The following PARD3 variants were observed in gnomAD, a reference collection of about 807,000 sequenced individuals.
PARD3 encodes partitioning defective 3 homolog.
A neutral mutation model predicts 155.4 loss-of-function variants in PARD3; 75 were observed. The observed-to-expected ratio is 0.48, with a 90% CI of 0.40 to 0.58. The LOEUF (loss-of-function observed/expected upper bound fraction) is 0.58, where lower values mean the gene tolerates loss of function less well. Among genes scored for constraint, PARD3 ranks in the 20% least tolerant of loss-of-function variants. PARD3 has a pLI of 0.00. For synonymous variants in PARD3, 576 were observed against 610.5 expected, an observed-to-expected ratio of 0.94 and a Z score of 0.83; for missense variants, 1,642 against 1,721.7, an observed-to-expected ratio of 0.95 and a Z score of 0.82.
At chr10:34,808,358 G>C (rs1423514018) in intron 1 of PARD3, among the ~76,000 whole-genome samples, 2 of 128,548 alleles carry the variant, frequency 1.6e-5, no homozygotes, top group Non-Finnish European at 3.2e-5. Flanking sequence ...ATGACTAAAA[G>C]ACAAAAAAAA....
chr10:34,488,299 T>C (rs914852191), intron 3 of PARD3, among the ~76,000 whole-genome samples: 3 of 151,886 alleles, frequency 2.0e-5, no homozygotes, highest in Admixed American at 1.3e-4. Context: ...GAATTTTTTA[T>C]TTTTATTTTA....
chr10:34,148,105 T>C (rs796179375), intron 22 of PARD3, among the ~76,000 whole-genome samples: 1 of 152,074 alleles, frequency 6.6e-6, no homozygotes, highest in African/African-American at 2.4e-5. Flanking sequence ...CCAGAATGAA[T>C]AGAGAGAGAT....
chr10:34,478,886 G>A (rs1369765985), intron 3 of PARD3, among the ~76,000 whole-genome samples: 1 of 152,030 alleles, frequency 6.6e-6, no homozygotes, highest in Non-Finnish European at 1.5e-5. Flanking sequence ...GCATTTTTCT[G>A]AGGCATATTA....
At chr10:34,290,778 C>A (rs548304530) in intron 20 of PARD3, among the ~76,000 whole-genome samples, 1 of 152,260 alleles carries the variant, frequency 6.6e-6, no homozygotes, top group South Asian at 2.1e-4. Context: ...TTGACCATGG[C>A]CAGCTGTGGT....
chr10:34,704,240 G>A (rs954098664), intron 1 of PARD3, among the ~76,000 whole-genome samples: 6 of 152,108 alleles, frequency 3.9e-5, no homozygotes, highest in Non-Finnish European at 8.8e-5. Flanking sequence ...TAAATGTACA[G>A]AAGATCAACC....
In PARD3 at chr10:34,587,740, C is replaced by T. The variant is rs111474009; in HGVS notation, c.223-70581G>A. On this transcript the variant is annotated intron_variant, in intron 2 of 24. Transcript: ENST00000374788. Reference sequence around the variant, plus strand: ...TAATGCTCCTCCATGCTCTGAGTTTCGTGCAAGTACTATGTAAAACCATGA... The same window carrying T: ...TAATGCTCCTCCATGCTCTGAGTTTTGTGCAAGTACTATGTAAAACCATGA... Among the ~76,000 whole-genome samples the T allele has an allele frequency of 8.4e-3, 1,283 of 152,214 alleles. 22 individuals carry two copies. Among genetic ancestry groups the T allele is most frequent in the African/African-American group, 0.03 (1,237 of 41,530 alleles).
chr10:34,599,161 G>A (rs1287807950), intron 2 of PARD3, among the ~76,000 whole-genome samples: 1 of 152,118 alleles, frequency 6.6e-6, no homozygotes, highest in Non-Finnish European at 1.5e-5. Flanking sequence ...TCCGTCATCA[G>A]CACATTCCGA....
intron 2 of PARD3, among the ~76,000 whole-genome samples, chr10:34,586,393 G>C: frequency 6.6e-6 from 1 of 152,086 alleles, no homozygotes; most frequent in East Asian, 1.9e-4. Flanking sequence ...TTCCATAAGG[G>C]AACCTGCAGA....
chr10:34,249,636 G>A (rs1037754766), intron 22 of PARD3, among the ~76,000 whole-genome samples: 4 of 152,138 alleles, frequency 2.6e-5, no homozygotes, highest in African/African-American at 9.7e-5. Context: ...ACAGGTGCCT[G>A]GAATTTTGGC....
chr10:34,666,796 A>AAAAAATATAT lies in PARD3; in HGVS notation c.222+29521_222+29522insATATATTTTT, dbSNP rs1358640964. 1.9e-3 allele frequency among the ~76,000 whole-genome samples: 124 copies of AAAAAATATAT among 66,864 alleles called. 2 individuals are homozygous for AAAAAATATAT. The highest frequency in any genetic ancestry group is 3.1e-3 in the Non-Finnish European group (108 of 35,066). The allele number at this position is 66,864 out of a possible 152,430, so 43.9% of individuals were successfully genotyped here. On this transcript the variant is annotated intron_variant, in intron 2 of 24. Coordinates refer to ENST00000374788, the MANE Select transcript of PARD3 (RefSeq NM_001184785.2). ...TCCCCCTAAAAAAAAAAAAAAAAAAAATATATATATATATATATATACACA... is the reference window on the plus strand; with the variant it reads ...TCCCCCTAAAAAAAAAAAAAAAAAAAAAAAATATATATATATATATATATATATATACACA...
intron 1 of PARD3, among the ~76,000 whole-genome samples, chr10:34,716,961 T>G (rs1056385520): frequency 3.3e-5 from 5 of 152,114 alleles, no homozygotes; most frequent in African/African-American, 9.7e-5. Flanking sequence ...GATTTTTTTT[T>G]GCAATTTTTG....
At chr10:34,261,458 G>A (rs1954955037) in intron 22 of PARD3, among the ~76,000 whole-genome samples, 1 of 152,150 alleles carries the variant, frequency 6.6e-6, no homozygotes, top group African/African-American at 2.4e-5. Flanking sequence ...GGAGGTCAAA[G>A]TGGGTGGATC....
At chr10:34,769,805 A>AC (rs1588673335) in intron 1 of PARD3, among the ~76,000 whole-genome samples, 2 of 11,802 alleles carry the variant, frequency 1.7e-4, no homozygotes, top group South Asian at 9.9e-4. Flanking sequence ...AAAACAAAAC[A>AC]AAAAAAAAAA....
chr10:34,489,338 C>T (rs892113512), intron 3 of PARD3, among the ~76,000 whole-genome samples: 3 of 152,168 alleles, frequency 2.0e-5, no homozygotes, highest in South Asian at 4.1e-4. Context: ...CATGTGAACA[C>T]AGACTACGCC....
At chr10:34,425,128 T>C (rs1426321423) in intron 5 of PARD3, among the ~76,000 whole-genome samples, 1 of 152,054 alleles carries the variant, frequency 6.6e-6, no homozygotes, top group Non-Finnish European at 1.5e-5. Context: ...TTTTTTTCCA[T>C]CTCTACTGGA....
intron 7 of PARD3, among the ~76,000 whole-genome samples, 156 bp from the exon 8 acceptor site, chr10:34,384,410 CACA>C (rs1554844177): frequency 3.3e-5 from 5 of 152,090 alleles, no homozygotes; most frequent in Non-Finnish European, 7.4e-5. Flanking sequence ...AGACAAAAAC[CACA>C]ACGTTAAAAT....
chr10:34,387,421 A>G (rs1258159731), intron 7 of PARD3, among the ~76,000 whole-genome samples: 1 of 152,074 alleles, frequency 6.6e-6, no homozygotes, highest in Non-Finnish European at 1.5e-5. Flanking sequence ...CTTTCACTTT[A>G]ATTTTTTTTG....
chr10:34,542,242 C>T (rs2083688651), intron 2 of PARD3, among the ~76,000 whole-genome samples: 1 of 106,872 alleles, frequency 9.4e-6, no homozygotes, highest in Admixed American at 9.7e-5. Flanking sequence ...TGTGTGTGCA[C>T]ACACACACAC....
At chr10:34,475,978 A>G (rs1399082916) in intron 3 of PARD3, among the ~76,000 whole-genome samples, 2 of 152,130 alleles carry the variant, frequency 1.3e-5, no homozygotes, top group African/African-American at 4.8e-5. Context: ...CCTTCGCATA[A>G]AAGTATTTCT....
Sources: gnomAD v4.1 joint callset for allele counts (sites outside exome capture counted in the v4.1 genomes callset) on GRCh38, gnomAD v4.1.1 for gene constraint, MANE v1.5 for transcripts, NCBI Gene and HGNC (gene_info 2026-07-23, HGNC 2026-07-21) for gene names.